The following LRRTM4 variants were observed in gnomAD, a reference collection of about 807,000 sequenced individuals.
LRRTM4 encodes leucine-rich repeat transmembrane neuronal protein 4.
LRRTM4 carries 25 observed loss-of-function variants against 47.6 expected under a neutral mutation model. The ratio of observed to expected loss-of-function variants is 0.53; its 90% CI spans 0.38 to 0.73. The LOEUF is 0.73. Among genes scored for constraint, LRRTM4 ranks in the 30% least tolerant of loss-of-function variants. LRRTM4 has a pLI of 0.00. For missense variants in LRRTM4, 638 were observed against 713.4 expected (o/e 0.89, Z 1.20); for synonymous variants, 311 against 269.5 (o/e 1.15, Z -1.51).
chr2:77,360,554 A>C (rs1672169503), intron 3 of LRRTM4, among the ~76,000 whole-genome samples: 2 of 136,386 alleles, frequency 1.5e-5, no homozygotes, highest in South Asian at 2.3e-4. Context: ...TCATTCATAC[A>C]TACATACATA....
At chr2:76,888,358 A>G (rs1673144419) in intron 3 of LRRTM4, among the ~76,000 whole-genome samples, 1 of 151,388 alleles carries the variant, frequency 6.6e-6, no homozygotes. Context: ...TTGTACGTAT[A>G]TATTTAGAGA....
chr2:77,204,054 C>T (rs1674054036), intron 3 of LRRTM4, among the ~76,000 whole-genome samples: 1 of 152,062 alleles, frequency 6.6e-6, no homozygotes, highest in Admixed American at 6.6e-5. Context: ...GCCAGGAGAC[C>T]TGGGCATTAA....
Position 77,518,821 on chromosome 2 carries a change from C to T in LRRTM4, c.1048G>A (p.Val350Ile), listed in dbSNP as rs1162682706. The T allele has an allele frequency of 6.2e-7, 1 of 1,610,852 alleles. No individual in the cohort carries two copies. The highest frequency in any genetic ancestry group is 1.3e-5 in the African/African-American group (1 of 74,868). Residue 350 changes from valine (V) to isoleucine (I), a missense_variant, in exon 3 of 4, where the codon GTT (valine) becomes ATT (isoleucine). Transcript: ENST00000409884. The part of the protein sequence containing the change: ...AGPKHIQGEK[V>I]SDAVETYNIC... ...TTATATGTTTCCACTGCATCACTAA[C>T]CTTTTCACCCTGGATGTGCTTAGGT... is the stretch of plus-strand genomic sequence containing the variant.
chr2:77,193,636 C>A (rs573526884), intron 3 of LRRTM4, among the ~76,000 whole-genome samples: 59 of 152,044 alleles, frequency 3.9e-4, no homozygotes, highest in Middle Eastern at 6.8e-3. Flanking sequence ...ATGGTGAAAC[C>A]CCGTCTCTAC....
intron 3 of LRRTM4, among the ~76,000 whole-genome samples, chr2:76,956,787 AG>A (rs1675688825): frequency 1.3e-5 from 2 of 151,540 alleles, no homozygotes. Flanking sequence ...CAAAAGAAAA[AG>A]GATTTCAAGA....
intron 3 of LRRTM4, among the ~76,000 whole-genome samples, chr2:76,846,534 CTAT>C (rs1291734361): frequency 4.6e-5 from 7 of 152,180 alleles, no homozygotes; most frequent in Admixed American, 1.3e-4. Flanking sequence ...TATCATCTAG[CTAT>C]CTATCTTTTA....
intron 3 of LRRTM4, among the ~76,000 whole-genome samples, chr2:76,822,083 G>A (rs1456027711): frequency 1.3e-5 from 2 of 151,420 alleles, no homozygotes; most frequent in Non-Finnish European, 3.0e-5. Context: ...AAATTTTATA[G>A]AAAAAATATG....
intron 3 of LRRTM4, among the ~76,000 whole-genome samples, chr2:77,436,674 T>A (rs1055742968): frequency 5.5e-4 from 83 of 151,844 alleles, no homozygotes; most frequent in African/African-American, 1.9e-3. Context: ...CTTTTGATAA[T>A]GAAATATATT....
intron 3 of LRRTM4, among the ~76,000 whole-genome samples, chr2:77,242,614 A>G (rs765265546): frequency 2.6e-5 from 4 of 152,168 alleles, no homozygotes; most frequent in Non-Finnish European, 5.9e-5. Context: ...ACAATGAGAC[A>G]CTATCTCAGC....
intron 3 of LRRTM4, among the ~76,000 whole-genome samples, chr2:77,122,675 G>T (rs17013732): frequency 0.031 from 4,704 of 151,664 alleles, 246 homozygotes; most frequent in African/African-American, 0.11. Context: ...CTAAAGCTCT[G>T]CTATTCACCA....
In LRRTM4 at chr2:76,799,345, A is replaced by C. The variant is rs1253498389; in HGVS notation, c.1552-50429T>G. Among the ~76,000 whole-genome samples the C allele has an allele frequency of 6.4e-5, 7 of 109,728 alleles. 2 individuals carry two copies. The highest frequency in any genetic ancestry group is 9.3e-5 in the African/African-American group (2 of 21,474). The allele number at this position is 109,728 out of a possible 152,430, so 72.0% of individuals were successfully genotyped here. A position where few individuals can be genotyped will look rare whatever the true frequency, so the allele number is the denominator to read the frequency against. On this transcript the variant is annotated intron_variant, in intron 3 of 3. Transcript: ENST00000409884. ...CCAGCATATAACCAGAACCAAAGAC[A>C]AAAACCACATGATTATCTCAATAGA...
chr2:77,134,479 A>G (rs1370666423), intron 3 of LRRTM4, among the ~76,000 whole-genome samples: 1 of 152,200 alleles, frequency 6.6e-6, no homozygotes, highest in African/African-American at 2.4e-5. Flanking sequence ...TAATTATTTT[A>G]AAAATATGTT....
intron 3 of LRRTM4, among the ~76,000 whole-genome samples, chr2:77,426,139 C>G (rs1675095862): frequency 6.6e-6 from 1 of 151,496 alleles, no homozygotes; most frequent in African/African-American, 2.4e-5. Context: ...AAAGTCATCC[C>G]TGATATCCAT....
At chr2:77,413,188 A>T (rs193023314) in intron 3 of LRRTM4, among the ~76,000 whole-genome samples, 59 of 152,240 alleles carry the variant, frequency 3.9e-4, no homozygotes, top group Admixed American at 2.0e-3. Context: ...TTTGCTTGTA[A>T]TTGGCAGAAA....
chr2:76,881,227 G>A (rs1230973957), intron 3 of LRRTM4, among the ~76,000 whole-genome samples: 2 of 152,050 alleles, frequency 1.3e-5, no homozygotes, highest in Admixed American at 6.6e-5. Flanking sequence ...AATTTTAAAA[G>A]TATCAGCTCA....
chr2:77,172,003 CAT>C (rs899865661), intron 3 of LRRTM4, among the ~76,000 whole-genome samples: 25 of 152,274 alleles, frequency 1.6e-4, no homozygotes, highest in African/African-American at 4.3e-4. Flanking sequence ...TGAAATCTCA[CAT>C]AGTGTCGCTG....
chr2:76,808,456 A>G lies in LRRTM4; in HGVS notation c.1552-59540T>C, dbSNP rs543528651. ...TACATTGATTTTGGGAAAAAAAAAA[A>G]GAATACATAGACCTATAAAGGAGAG... is the stretch of plus-strand genomic sequence containing the variant. On this transcript the variant is annotated intron_variant, in intron 3 of 3. Coordinates refer to ENST00000409884, the MANE Select transcript of LRRTM4 (RefSeq NM_001134745.3). 3.3e-5 allele frequency among the ~76,000 whole-genome samples: 5 copies of G among 151,778 alleles called. No individual in the cohort carries two copies. In the South Asian group the frequency reaches 1.0e-3, roughly 32 times the overall value.
At chr2:77,285,513 G>A (rs924526901) in intron 3 of LRRTM4, among the ~76,000 whole-genome samples, 3 of 151,522 alleles carry the variant, frequency 2.0e-5, no homozygotes, top group Non-Finnish European at 4.4e-5. Context: ...AGACTGAGGC[G>A]GGCAGATCGC....
chr2:77,362,170 A>AAGGAAGG lies in LRRTM4; in HGVS notation c.1551+156147_1551+156148insCCTTCCT, dbSNP rs1672263551. On this transcript the variant is annotated intron_variant, in intron 3 of 3. Transcript: ENST00000409884. Reference sequence around the variant, plus strand: ...GAAAGAAAGAAAGAAAGAAAGAAAGAAAGGAAGGAAGGAAGAGTTCTTAAT... The same window carrying AAGGAAGG: ...GAAAGAAAGAAAGAAAGAAAGAAAGAAGGAAGGAAGGAAGGAAGGAAGAGTTCTTAAT... Among the ~76,000 whole-genome samples, 954 of 133,412 alleles carry AAGGAAGG rather than the reference A, an allele frequency of 7.2e-3. 15 individuals carry two copies. The highest frequency in any genetic ancestry group is 0.012 in the East Asian group (51 of 4,394). 87.5% of individuals were successfully genotyped at this position (133,412 alleles called of 152,430 possible).
Sources: gnomAD v4.1 joint callset for allele counts (sites outside exome capture counted in the v4.1 genomes callset) on GRCh38, gnomAD v4.1.1 for gene constraint, MANE v1.5 for transcripts, NCBI Gene and HGNC (gene_info 2026-07-23, HGNC 2026-07-21) for gene names.